PRMT8: variants seen among roughly 807,000 people sequenced by gnomAD.
The protein encoded by PRMT8 is protein arginine methyltransferase 8.
Under a neutral mutation model 47.1 loss-of-function variants are expected in PRMT8, and 7 were observed. The ratio of observed to expected loss-of-function variants is 0.15; its 90% CI spans 0.08 to 0.28. The LOEUF (loss-of-function observed/expected upper bound fraction) is 0.28, where lower values mean the gene tolerates loss of function less well. Ranked by LOEUF, PRMT8 falls within the 10% of genes least tolerant of loss-of-function variation. The pLI is 1.00. For missense variants in PRMT8, 237 were observed against 505.4 expected, an observed-to-expected ratio of 0.47 and a Z score of 5.09; for synonymous variants, 188 against 186.5, an observed-to-expected ratio of 1.01 and a Z score of -0.07.
In PRMT8 at chr12:3,393,062, T is replaced by C. The variant is rs1050076123; in HGVS notation, c.48+11620T>C. On this transcript the variant is annotated intron_variant, in intron 1 of 9. Coordinates refer to the PRMT8 transcript ENST00000452611. ...TCACCCACTTTTTGATGGGGTTGTT[T>C]GTTTTTTTTCTTGTAAATTTGTTTC... 1.6e-4 allele frequency among the ~76,000 whole-genome samples: 25 copies of C among 152,224 alleles called. 1 individual carries two copies. Among genetic ancestry groups the C allele is most frequent in the African/African-American group, 5.1e-4 (21 of 41,464 alleles).
rs569631441 is a variant in PRMT8 at position 3,593,736 on chromosome 12, G to C, written c.*554G>C. On this transcript the variant is annotated 3_prime_UTR_variant, in exon 10 of 10. Transcript: ENST00000382622. The surrounding 1 kb of genome is among the most constrained non-coding windows in gnomAD (Gnocchi z 4.8). ...GGTGTTCTCTCAGAGGGGTGTGTGT[G>C]TGTGTGCGTGCGCGTGTGCCTAGAA... is the stretch of plus-strand genomic sequence containing the variant. The C allele has an allele frequency of 5.7e-5, 9 of 158,298 alleles. No homozygotes were observed. The highest frequency in any genetic ancestry group is 1.2e-4 in the Non-Finnish European group (9 of 72,366). 9.8% of individuals were successfully genotyped at this position (158,298 alleles called of 1,614,324 possible). A position where few individuals can be genotyped will look rare whatever the true frequency, so the allele number is the denominator to read the frequency against.
chr12:3,510,733 C>A (rs980852840), intron 1 of PRMT8, among the ~76,000 whole-genome samples: 2 of 152,168 alleles, frequency 1.3e-5, no homozygotes. Flanking sequence ...GTACCCCACC[C>A]CACTTTCTTC....
At chr12:3,413,878 A>T (rs1353947198) in intron 1 of PRMT8, among the ~76,000 whole-genome samples, 6 of 152,222 alleles carry the variant, frequency 3.9e-5, no homozygotes, top group Non-Finnish European at 7.3e-5. Context: ...ATACGGGAAG[A>T]TGTGTATAGG....
chr12:3,396,619 G>T (rs891061097), intron 1 of PRMT8, among the ~76,000 whole-genome samples: 70 of 152,054 alleles, frequency 4.6e-4, no homozygotes, highest in Non-Finnish European at 8.5e-4. Flanking sequence ...TGGGTAACCC[G>T]ACCTTTCTCT....
At chr12:3,483,091 G>A (rs1031564114) in intron 1 of PRMT8, among the ~76,000 whole-genome samples, 4 of 152,162 alleles carry the variant, frequency 2.6e-5, no homozygotes, top group East Asian at 1.9e-4. Context: ...CCATCCTTCC[G>A]TGATCTGTAA....
At chr12:3,397,982 C>A (rs376782614) in intron 1 of PRMT8, among the ~76,000 whole-genome samples, 4 of 152,118 alleles carry the variant, frequency 2.6e-5, no homozygotes, top group African/African-American at 4.8e-5. Flanking sequence ...TTCCAGGTGC[C>A]GTCCATCACC....
intron 4 of PRMT8, among the ~76,000 whole-genome samples, chr12:3,559,300 C>T (rs1301544188): frequency 6.6e-6 from 1 of 152,274 alleles, no homozygotes; most frequent in East Asian, 1.9e-4. Context: ...CTTGTGCCTC[C>T]ATGCCTCTGT....
chr12:3,443,038 C>T (rs1257288203), intron 1 of PRMT8, among the ~76,000 whole-genome samples: 1 of 152,124 alleles, frequency 6.6e-6, no homozygotes, highest in African/African-American at 2.4e-5. Context: ...AATCTAAAGT[C>T]CCCTATAGGT....
rs1169936202 is a variant in PRMT8, at chr12:3,409,568, C to T, written c.48+28126C>T. Among the ~76,000 whole-genome samples, 2 of 134,166 alleles carry T rather than the reference C, an allele frequency of 1.5e-5. No individual in the cohort carries two copies. Among genetic ancestry groups the T allele is most frequent in the Non-Finnish European group, 3.2e-5 (2 of 63,378 alleles). 88.0% of individuals were successfully genotyped at this position (134,166 alleles called of 152,430 possible). A position where few individuals can be genotyped will look rare whatever the true frequency, so the allele number is the denominator to read the frequency against. On this transcript the variant is annotated intron_variant, in intron 1 of 9. Coordinates refer to the PRMT8 transcript ENST00000452611. The surrounding 1 kb of genome is among the most constrained non-coding windows in gnomAD (Gnocchi z 4.4). The stretch of plus-strand genomic sequence containing the variant: ...AGGAGGTGGGGTGCTTCAGCAGCTC[C>T]GAATCTGGGGTGGCTAGTCTAGTTC...
At chr12:3,496,679 A>C (rs1352352430) in intron 1 of PRMT8, among the ~76,000 whole-genome samples, 1 of 152,128 alleles carries the variant, frequency 6.6e-6, no homozygotes. Flanking sequence ...TAATTTATGC[A>C]AAGGAATTAG....
At chr12:3,460,671 C>G (rs993777630) in intron 1 of PRMT8, among the ~76,000 whole-genome samples, 1 of 152,070 alleles carries the variant, frequency 6.6e-6, no homozygotes, top group Admixed American at 6.6e-5. Context: ...TTTTACAGAG[C>G]GAGGAAATTA....
intron 1 of PRMT8, among the ~76,000 whole-genome samples, chr12:3,465,156 T>C (rs909418838): frequency 4.4e-5 from 5 of 112,558 alleles, no homozygotes; most frequent in Non-Finnish European, 1.0e-4. Flanking sequence ...ATAATTTTTT[T>C]ATAAAAAAAT....
chr12:3,549,839 G>A, intron 2 of PRMT8, 97 bp from the exon 3 acceptor site: 1 of 1,437,640 alleles, frequency 7.0e-7, no homozygotes, highest in Non-Finnish European at 9.6e-7. Flanking sequence ...CGGGTCTCCT[G>A]AAGGGTCACC....
intron 1 of PRMT8, among the ~76,000 whole-genome samples, chr12:3,457,509 C>T (rs1237488158): frequency 6.6e-6 from 1 of 151,992 alleles, no homozygotes; most frequent in Non-Finnish European, 1.5e-5. Context: ...GGGTCTCCCT[C>T]TGTTTCCTAG....
intron 1 of PRMT8, among the ~76,000 whole-genome samples, chr12:3,525,168 G>A (rs942733655): frequency 6.6e-6 from 1 of 152,160 alleles, no homozygotes; most frequent in African/African-American, 2.4e-5. Flanking sequence ...ATTGCAGTGA[G>A]CCAAGACCAT....
rs1208234451 is a variant in PRMT8, at chr12:3,576,265, G to C, written c.713-606G>C. ...GCAGAGATGCTCCTGGACCCACCCA[G>C]GTGAGAAAACTGAGGTTCAGAGAGG... On this transcript the variant is annotated intron_variant, in intron 6 of 9. Transcript: ENST00000382622. The surrounding 1 kb of genome is among the most constrained non-coding windows in gnomAD (Gnocchi z 4.0). Among the ~76,000 whole-genome samples, 1 of 152,216 alleles carries C rather than the reference G, an allele frequency of 6.6e-6. No homozygotes were observed. The highest frequency in any genetic ancestry group is 1.5e-5 in the Non-Finnish European group (1 of 68,042).
intron 1 of PRMT8, among the ~76,000 whole-genome samples, chr12:3,431,789 A>C (rs1021510764): frequency 1.3e-5 from 2 of 152,190 alleles, no homozygotes; most frequent in African/African-American, 4.8e-5. Context: ...AAATGGAGAA[A>C]TGTATAGTGT....
At chr12:3,386,471 C>T (rs1864139186) in intron 1 of PRMT8, among the ~76,000 whole-genome samples, 1 of 152,198 alleles carries the variant, frequency 6.6e-6, no homozygotes, top group South Asian at 2.1e-4. Flanking sequence ...TATCAATAAA[C>T]AAGTAACCTT....
chr12:3,536,124 A>G (rs1866114019), intron 1 of PRMT8, among the ~76,000 whole-genome samples: 1 of 152,122 alleles, frequency 6.6e-6, no homozygotes. Context: ...TGTTTCTTTC[A>G]CAGGGCTGGC....
Sources: allele counts gnomAD v4.1 joint callset (sites outside exome capture counted in the v4.1 genomes callset), GRCh38; gene constraint gnomAD v4.1.1; non-coding constraint Gnocchi (gnomAD v3.1); transcripts MANE v1.5; gene names NCBI Gene and HGNC (gene_info 2026-07-23, HGNC 2026-07-21).